IWS1: variants seen among roughly 807,000 people sequenced by gnomAD.
The protein encoded by IWS1 is protein IWS1 homolog.
IWS1 carries 27 observed loss-of-function variants against 86.7 expected under a neutral mutation model. The observed-to-expected ratio is 0.31, with a 90% CI of 0.23 to 0.43. IWS1 has a LOEUF of 0.43. Among genes scored for constraint, IWS1 ranks in the 20% least tolerant of loss-of-function variants. The pLI, the probability that IWS1 is intolerant of heterozygous loss-of-function variation, is 1.00. For missense variants in IWS1, 827 were observed against 1,000.8 expected, an observed-to-expected ratio of 0.83 and a Z score of 2.34; for synonymous variants, 313 against 335.1, an observed-to-expected ratio of 0.93 and a Z score of 0.72.
chr2:127,502,705 A>G, intron 5 of IWS1, 110 bp downstream of exon 5: 1 of 567,472 alleles, frequency 1.8e-6, no homozygotes, highest in South Asian at 2.5e-5. Context: ...TCTTGAATAC[A>G]TCATAATTGT....
chr2:127,490,197 A>G (rs369904182), intron 10 of IWS1, among the ~76,000 whole-genome samples: 17 of 152,276 alleles, frequency 1.1e-4, no homozygotes, highest in African/African-American at 4.1e-4. Flanking sequence ...GATACACTTT[A>G]ATAGTCAACA....
Position 127,489,857 on chromosome 2 carries a change from T to TCTGTTCTAG in IWS1, c.2125_2133dup (p.Leu709_Gln711dup), listed in dbSNP as rs1690130924. The TCTGTTCTAG allele has an allele frequency of 1.2e-6, 2 of 1,609,806 alleles. No individual in the cohort carries two copies. The highest frequency in any genetic ancestry group is 2.7e-5 in the African/African-American group (2 of 74,840). ...CTGTTCATTCTTCGTCGTTGAGGCA[T>TCTGTTCTAG]CTGTTCTAGATCTCTCTGCTCCCTT... On this transcript the variant is annotated inframe_insertion, in exon 11 of 14. Coordinates refer to ENST00000295321, the MANE Select transcript of IWS1 (RefSeq NM_017969.3). The surrounding 1 kb of genome is among the most constrained non-coding windows in gnomAD (Gnocchi z 4.8).
chr2:127,484,507 T>C (rs1689821592), intron 13 of IWS1: 1 of 152,228 alleles, frequency 6.6e-6, no homozygotes, highest in South Asian at 2.1e-4. Context: ...TGAGTGAATA[T>C]GCAACCCTGC....
In IWS1 at chr2:127,526,369, G is replaced by A. The variant is rs1692417061; in HGVS notation, c.-161C>T. On this transcript the variant is annotated 5_prime_UTR_variant, in exon 1 of 14. Transcript: ENST00000295321. ...GGGTAAGAAAGCGGTAGCGGCAAAG[G>A]CGAATTCTTTGACCTGGAAGCCCCG... The A allele has an allele frequency of 6.5e-7, 1 of 1,536,676 alleles. No homozygotes were observed. The highest frequency in any genetic ancestry group is 2.0e-5 in the Admixed American group (1 of 50,988).
chr2:127,496,550 TACACACACACACACACAC>T (rs36048775), intron 6 of IWS1, among the ~76,000 whole-genome samples: 4 of 140,330 alleles, frequency 2.9e-5, no homozygotes, highest in African/African-American at 1.1e-4. Context: ...TATTTTATCA[TACACACACACACACACAC>T]ACACACACAC....
chr2:127,526,540 C>T, upstream of IWS1: 2 of 1,447,958 alleles, frequency 1.4e-6, no homozygotes, highest in East Asian at 3.2e-5. Flanking sequence ...ACCCGTCAAC[C>T]GGCCAATGAG....
chr2:127,516,041 C>T (rs1691753702), intron 2 of IWS1, among the ~76,000 whole-genome samples: 1 of 152,182 alleles, frequency 6.6e-6, no homozygotes, highest in African/African-American at 2.4e-5. Flanking sequence ...GGGCCCTAAT[C>T]ACCCTTGGGC....
intron 2 of IWS1, among the ~76,000 whole-genome samples, chr2:127,515,160 C>T (rs1467037275): frequency 6.6e-6 from 1 of 152,088 alleles, no homozygotes; most frequent in Non-Finnish European, 1.5e-5. Flanking sequence ...CTCATTTGTC[C>T]ATTTCAGTGT....
intron 2 of IWS1, among the ~76,000 whole-genome samples, chr2:127,518,722 C>T (rs1032087885): frequency 3.3e-5 from 5 of 151,982 alleles, no homozygotes; most frequent in African/African-American, 4.8e-5. Context: ...CCTGTCACCA[C>T]GCCTGGCTAA....
chr2:127,521,184 G>A (rs767678588), intron 2 of IWS1, among the ~76,000 whole-genome samples: 4 of 152,154 alleles, frequency 2.6e-5, no homozygotes, highest in Admixed American at 6.5e-5. Flanking sequence ...CCTGGGAGGC[G>A]GAGGTTGCAG....
chr2:127,520,230 G>A (rs964931265), intron 2 of IWS1, among the ~76,000 whole-genome samples: 2 of 152,066 alleles, frequency 1.3e-5, no homozygotes, highest in Non-Finnish European at 1.5e-5. Flanking sequence ...GTGCAGTGGT[G>A]TGATCTCTAC....
intron 7 of IWS1, among the ~76,000 whole-genome samples, chr2:127,495,208 T>C (rs1049426272): frequency 5.3e-5 from 8 of 152,146 alleles, no homozygotes; most frequent in Non-Finnish European, 8.8e-5. Context: ...TGTAGAACAT[T>C]AGCATAACTG....
At chr2:127,518,558 G>A (rs753850406) in intron 2 of IWS1, among the ~76,000 whole-genome samples, 97 of 144,834 alleles carry the variant, frequency 6.7e-4, no homozygotes, top group Admixed American at 1.6e-3. Flanking sequence ...AAGGACAGGC[G>A]ATTCTTTTTT....
At chr2:127,494,245 T>TAAAAAAA (rs11327472) in intron 8 of IWS1, among the ~76,000 whole-genome samples, 1 of 94,088 alleles carries the variant, frequency 1.1e-5, no homozygotes, top group African/African-American at 4.3e-5. Context: ...TGTCTCTAAT[T>TAAAAAAA]AAAAAAAAAA....
chr2:127,505,260 C>T lies in IWS1; in HGVS notation c.643G>A (p.Glu215Lys). The T allele has an allele frequency of 6.2e-7, 1 of 1,613,906 alleles. No individual in the cohort carries two copies. The highest frequency in any genetic ancestry group is 8.5e-7 in the Non-Finnish European group (1 of 1,179,970). The change falls in exon 3 of 14, where the codon GAG (glutamate) becomes AAG (lysine). Residue 215 changes from glutamate to lysine, a missense_variant. Transcript: ENST00000295321. This position sits in a 1 kb window ranked among gnomAD's most constrained non-coding sequence, Gnocchi z 5.0. ...TCACTGACCTGAGGTTTAGGAAGCT[C>T]CTCACTTTCAGAATCACTCATTCGA... ...KPRMSDSESE[E>K]LPKPQVSDSE...
Position 127,489,945 on chromosome 2 carries a change from T to C in IWS1, c.2048-2A>G. ...CAAATATAGGCCTAGACCACTCATC[T>C]GTAGTAAGAAAAAAATCAATTATTT... On this transcript the variant is annotated splice_acceptor_variant, in intron 10 of 13. Coordinates refer to ENST00000295321, the MANE Select transcript of IWS1 (RefSeq NM_017969.3). LOFTEE classifies it high-confidence loss of function. This position sits in a 1 kb window ranked among gnomAD's most constrained non-coding sequence, Gnocchi z 4.8. 6.7e-7 allele frequency: 1 copy of C among 1,486,442 alleles called. No individual in the cohort carries two copies. 92.1% of individuals were successfully genotyped at this position (1,486,442 alleles called of 1,614,324 possible).
chr2:127,503,614 C>A, intron 3 of IWS1, 38 bp from the exon 4 acceptor site: 1 of 1,511,016 alleles, frequency 6.6e-7, no homozygotes. Context: ...TTTATTTTAT[C>A]ACAGCCATTG....
intron 1 of IWS1, among the ~76,000 whole-genome samples, chr2:127,525,545 A>G (rs1692353635): frequency 6.6e-6 from 1 of 152,200 alleles, no homozygotes; most frequent in Non-Finnish European, 1.5e-5. Context: ...GTTCTGCCTC[A>G]CTTATCCTTA....
chr2:127,499,085 TTTTC>T lies in IWS1; in HGVS notation c.1468-852_1468-849del, dbSNP rs1487870106. Among the ~76,000 whole-genome samples, 21 of 29,892 alleles carry T rather than the reference TTTTC, an allele frequency of 7.0e-4. No homozygotes were observed. The highest frequency in any genetic ancestry group is 1.1e-3 in the Admixed American group (2 of 1,838). 19.6% of individuals were successfully genotyped at this position (29,892 alleles called of 152,430 possible). ...TATGCTAATATTTGCCAGGCATAAT[TTTTC>T]TTTTTCTTTTTTTTTTTTTGAGACG... On this transcript the variant is annotated intron_variant, in intron 5 of 13. Transcript: ENST00000295321. The surrounding 1 kb of genome is among the most constrained non-coding windows in gnomAD (Gnocchi z 4.0).
Sources: gnomAD v4.1 joint callset for allele counts (sites outside exome capture counted in the v4.1 genomes callset) on GRCh38, gnomAD v4.1.1 for gene constraint, Gnocchi (gnomAD v3.1) non-coding constraint, MANE v1.5 for transcripts, NCBI Gene and HGNC (gene_info 2026-07-23, HGNC 2026-07-21) for gene names.